Variants in SUCLG1 observed in about 807,000 individuals in gnomAD.
The protein encoded by SUCLG1 is succinate--CoA ligase [ADP/GDP-forming] subunit alpha, mitochondrial.
In SUCLG1, 26 loss-of-function variants were observed where a neutral mutation model predicts 37.3. The observed-to-expected ratio is 0.70, with a 90% CI of 0.51 to 0.97. The LOEUF is 0.97. Among genes scored for constraint, SUCLG1 ranks in the 50% least tolerant of loss-of-function variants. The pLI is 0.00. For missense variants in SUCLG1, 433 were observed against 432.9 expected, an observed-to-expected ratio of 1.00 and a Z score of 0.00; for synonymous variants, 163 against 155.6, an observed-to-expected ratio of 1.05 and a Z score of -0.36.
intron 2 of SUCLG1, among the ~76,000 whole-genome samples, chr2:84,446,641 T>C (rs1448107116): frequency 6.6e-6 from 1 of 151,960 alleles, no homozygotes; most frequent in African/African-American, 2.4e-5. Context: ...AAAGTATAGT[T>C]TGGAGACTCT....
Position 84,431,548 on chromosome 2 carries a change from G to C in SUCLG1, c.785C>G (p.Ala262Gly). ...CAAAAATTCTGCAGCATTCTCTTCT[G>C]CATTACCACCAATTTCACCAATCAA... is the stretch of plus-strand genomic sequence containing the variant. ...IILIGEIGGN[A>G]EENAAEFLKQ... Residue 262 changes from alanine to glycine, a missense_variant, in exon 7 of 9, where the codon GCA (alanine) becomes GGA (glycine). Coordinates refer to ENST00000393868, the MANE Select transcript of SUCLG1 (RefSeq NM_003849.4). 6.2e-7 allele frequency: 1 copy of C among 1,613,982 alleles called. No homozygotes were observed. The highest frequency in any genetic ancestry group is 8.5e-7 in the Non-Finnish European group (1 of 1,179,914).
chr2:84,447,287 C>T (rs959527574), intron 2 of SUCLG1, among the ~76,000 whole-genome samples: 2 of 120,092 alleles, frequency 1.7e-5, no homozygotes, highest in Admixed American at 2.0e-4. Context: ...GCAATTAACA[C>T]TCTCACTTAC....
intron 8 of SUCLG1, 34 bp from the exon 9 acceptor site, chr2:84,423,806 G>T: frequency 1.3e-6 from 2 of 1,593,286 alleles, no homozygotes; most frequent in South Asian, 2.2e-5. Context: ...AAGAGAGATG[G>T]AATGAATAAA....
At chr2:84,448,176 AAAAAAAAC>A (rs1466447083) in intron 2 of SUCLG1, among the ~76,000 whole-genome samples, 96 of 150,642 alleles carry the variant, frequency 6.4e-4, no homozygotes, top group African/African-American at 7.4e-4. Context: ...TTCAGAAAAA[AAAAAAAAC>A]AAAAAACAAA....
intron 5 of SUCLG1, among the ~76,000 whole-genome samples, chr2:84,440,620 A>C (rs1042795062): frequency 6.6e-6 from 1 of 152,220 alleles, no homozygotes; most frequent in African/African-American, 2.4e-5. Context: ...TGTTGACCTA[A>C]GCCTTGTTTG....
intron 2 of SUCLG1, among the ~76,000 whole-genome samples, chr2:84,447,154 G>A (rs747765867): frequency 5.3e-5 from 8 of 152,144 alleles, no homozygotes; most frequent in Non-Finnish European, 1.0e-4. Context: ...ATTCATATGT[G>A]GAACAATGTG....
chr2:84,433,553 T>C (rs1158877558), intron 5 of SUCLG1, 118 bp from the exon 6 acceptor site: 1 of 842,298 alleles, frequency 1.2e-6, no homozygotes, highest in Non-Finnish European at 2.0e-6. Flanking sequence ...CATTCCATGA[T>C]TTGCCATCAA....
intron 1 of SUCLG1, among the ~76,000 whole-genome samples, chr2:84,453,705 C>A (rs2104268508): frequency 6.6e-6 from 1 of 152,332 alleles, no homozygotes; most frequent in Middle Eastern, 3.4e-3. Flanking sequence ...GCAGGAGCCA[C>A]CATGCCCAGC....
intron 1 of SUCLG1, among the ~76,000 whole-genome samples, chr2:84,458,802 C>T: frequency 6.6e-6 from 1 of 152,188 alleles, no homozygotes; most frequent in Non-Finnish European, 1.5e-5. Flanking sequence ...ACCTTCCCCA[C>T]CAAGTTCACC....
chr2:84,441,243 T>C lies in SUCLG1; in HGVS notation c.531+4A>G, dbSNP rs774436508. ...TGAGTTTCTTTTTGTTTTTTTGCACTCACATTGATGACTCCAGGGCAGTTG... is the reference window on the plus strand; with the variant it reads ...TGAGTTTCTTTTTGTTTTTTTGCACCCACATTGATGACTCCAGGGCAGTTG... On this transcript the variant is annotated splice_donor_region_variant and intron_variant, in intron 4 of 8. Coordinates refer to ENST00000393868, the MANE Select transcript of SUCLG1 (RefSeq NM_003849.4). The C allele has an allele frequency of 1.2e-6, 2 of 1,614,052 alleles. No homozygotes were observed. The highest frequency in any genetic ancestry group is 2.2e-5 in the South Asian group (2 of 91,080).
chr2:84,437,029 C>T (rs1460780488), intron 5 of SUCLG1, among the ~76,000 whole-genome samples: 2 of 152,106 alleles, frequency 1.3e-5, no homozygotes, highest in Non-Finnish European at 2.9e-5. Flanking sequence ...AAATGACAAC[C>T]ACCACAACTT....
At chr2:84,424,716 AAAT>A in intron 8 of SUCLG1, among the ~76,000 whole-genome samples, 1 of 152,100 alleles carries the variant, frequency 6.6e-6, no homozygotes, top group East Asian at 1.9e-4. Context: ...ACCATCATAA[AAAT>A]AATGAGGGAG....
chr2:84,435,708 A>T (rs534353799), intron 5 of SUCLG1, among the ~76,000 whole-genome samples: 2 of 152,338 alleles, frequency 1.3e-5, no homozygotes, highest in East Asian at 3.9e-4. Flanking sequence ...ACACAAGGAG[A>T]CTGCTTAAAA....
chr2:84,455,623 C>T (rs1673007686), intron 1 of SUCLG1, among the ~76,000 whole-genome samples: 1 of 151,944 alleles, frequency 6.6e-6, no homozygotes, highest in South Asian at 2.1e-4. Context: ...ATCACAATGT[C>T]AGGAGATCGA....
At chr2:84,449,358 T>C (rs1204313324) in intron 2 of SUCLG1, among the ~76,000 whole-genome samples, 2 of 152,154 alleles carry the variant, frequency 1.3e-5, no homozygotes, top group Admixed American at 6.5e-5. Context: ...CTTTCAACAC[T>C]GGAGGAAAAT....
chr2:84,439,188 T>A (rs6735361), intron 5 of SUCLG1, among the ~76,000 whole-genome samples: 8,674 of 150,110 alleles, frequency 0.058, 536 homozygotes, highest in African/African-American at 0.16. Flanking sequence ...CTTCTTTTTT[T>A]TAAAAAAAAA....
intron 2 of SUCLG1, among the ~76,000 whole-genome samples, chr2:84,445,906 T>C (rs543299865): frequency 6.6e-6 from 1 of 152,206 alleles, no homozygotes; most frequent in South Asian, 2.1e-4. Flanking sequence ...AAACTCCATA[T>C]ACTGGCCTAC....
chr2:84,456,204 A>G (rs1353641941), intron 1 of SUCLG1, among the ~76,000 whole-genome samples: 1 of 152,178 alleles, frequency 6.6e-6, no homozygotes, highest in African/African-American at 2.4e-5. Context: ...TGAGCAGGAT[A>G]GTCACCTTCT....
chr2:84,455,059 G>A (rs1490478979), intron 1 of SUCLG1, among the ~76,000 whole-genome samples: 2 of 152,080 alleles, frequency 1.3e-5, no homozygotes, highest in Non-Finnish European at 2.9e-5. Context: ...TACACCTACA[G>A]GACCTTATAA....
Sources: gnomAD v4.1 joint callset for allele counts (sites outside exome capture counted in the v4.1 genomes callset) on GRCh38, gnomAD v4.1.1 for gene constraint, MANE v1.5 for transcripts, NCBI Gene and HGNC (gene_info 2026-07-23, HGNC 2026-07-21) for gene names.